Variants in AP2A1 observed in about 807,000 individuals in gnomAD.
AP2A1 encodes AP-2 complex subunit alpha-1.
AP2A1 carries 21 observed loss-of-function variants against 107.3 expected under a neutral mutation model. The observed-to-expected ratio is 0.20, with a 90% CI of 0.14 to 0.28. AP2A1 has a LOEUF of 0.28. AP2A1 is among the 10% of genes least tolerant of loss of function. The pLI is 1.00. For missense variants in AP2A1, 873 were observed against 1,307.7 expected, an observed-to-expected ratio of 0.67 and a Z score of 5.13; for synonymous variants, 602 against 564.8, an observed-to-expected ratio of 1.07 and a Z score of -0.93.
chr19:49,787,347 G>GTTTTTTTTTTTT (rs199550216), intron 4 of AP2A1, among the ~76,000 whole-genome samples: 13 of 96,182 alleles, frequency 1.4e-4, no homozygotes, highest in African/African-American at 4.0e-4. Context: ...TGTTTTTTTT[G>GTTTTTTTTTTTT]TTTTTTGTTT....
intron 1 of AP2A1, among the ~76,000 whole-genome samples, chr19:49,779,511 A>AAAAAAAC (rs369375626): frequency 2.8e-5 from 4 of 145,416 alleles, no homozygotes; most frequent in African/African-American, 8.0e-5. Flanking sequence ...AAAAAAAAAA[A>AAAAAAAC]CAGAAACAGG....
At chr19:49,806,451 C>G (rs2073386706) in intron 22 of AP2A1, 198 bp downstream of exon 22, 3 of 1,436,302 alleles carry the variant, frequency 2.1e-6, no homozygotes, top group African/African-American at 2.9e-5. Flanking sequence ...CTCTCCTCTT[C>G]CTGTCCCTCC....
chr19:49,806,094 C>T (rs1568591550), intron 21 of AP2A1, 25 bp from the exon 22 acceptor site: 25 of 1,572,468 alleles, frequency 1.6e-5, no homozygotes, highest in Non-Finnish European at 2.2e-5. Context: ...CTGGCACACT[C>T]TGACGGCGCC....
intron 19 of AP2A1, 42 bp from the exon 20 acceptor site, chr19:49,805,619 T>C (rs377735659): frequency 1.3e-4 from 208 of 1,551,608 alleles, no homozygotes; most frequent in Middle Eastern, 1.7e-4. Flanking sequence ...GCCTCCGGGG[T>C]GAGGGGCGGG....
intron 17 of AP2A1, 25 bp downstream of exon 17, chr19:49,803,214 T>G (rs967798605): frequency 8.7e-6 from 14 of 1,613,624 alleles, no homozygotes; most frequent in Non-Finnish European, 1.1e-5. Flanking sequence ...ACTGTGGGAA[T>G]GGGTCGGAGG....
intron 4 of AP2A1, among the ~76,000 whole-genome samples, chr19:49,787,092 C>T (rs542688396): frequency 1.3e-4 from 19 of 150,390 alleles, no homozygotes; most frequent in Admixed American, 7.9e-4. Flanking sequence ...CTGCAACCTC[C>T]GACTCCTGGG....
chr19:49,799,818 C>T, intron 10 of AP2A1, 52 bp downstream of exon 10: 2 of 1,584,602 alleles, frequency 1.3e-6, no homozygotes, highest in Non-Finnish European at 1.7e-6. Context: ...CAGGAGGTGG[C>T]TGGGGGCCTG....
At chr19:49,769,259 A>G (rs147296662) in intron 1 of AP2A1, among the ~76,000 whole-genome samples, 14 of 1,216 alleles carry the variant, frequency 0.012, no homozygotes, top group Non-Finnish European at 0.015. Context: ...CTCCAAAAAT[A>G]AAAAAAAAGA....
chr19:49,777,660 C>T (rs1379103296), intron 1 of AP2A1, among the ~76,000 whole-genome samples: 4 of 150,832 alleles, frequency 2.7e-5, no homozygotes, highest in Admixed American at 2.0e-4. Flanking sequence ...GATTTCCTGG[C>T]AGTAAGCGGT....
chr19:49,768,865 T>G (rs2084529712), intron 1 of AP2A1, among the ~76,000 whole-genome samples: 2 of 152,186 alleles, frequency 1.3e-5, no homozygotes, highest in Admixed American at 6.6e-5. Flanking sequence ...GAAGGCTCAT[T>G]TATTCATTCA....
At position 49,801,808 on chromosome 19, in the gene AP2A1, C is replaced by T; in HGVS notation, c.1872C>T (p.Ala624=). 1 of 1,552,408 alleles carries T rather than the reference C, an allele frequency of 6.4e-7. No individual in the cohort carries two copies. The highest frequency in any genetic ancestry group is 8.7e-7 in the Non-Finnish European group (1 of 1,153,096). The stretch of plus-strand genomic sequence containing the variant: ...TGAAACGCAAGAAGGGGCCAGGGGC[C>T]GGCAGCGCCCTGGACGATGGCCGGA... ...AKLKRKKGPG[A]GSALDDGRRD... is the part of the protein sequence containing the mutation. Residue 624 remains alanine (A), a synonymous_variant, in exon 14 of 23, where the codon GCC becomes GCT. Transcript: ENST00000354293.
intron 4 of AP2A1, among the ~76,000 whole-genome samples, chr19:49,791,384 C>T (rs7251695): frequency 0.22 from 34,048 of 152,000 alleles, 4,088 homozygotes; most frequent in African/African-American, 0.31. Flanking sequence ...CCTGCGCCAC[C>T]ACACCCAGCT....
chr19:49,799,064 G>C, intron 8 of AP2A1, 112 bp downstream of exon 8: 1 of 1,408,004 alleles, frequency 7.1e-7, no homozygotes, highest in Non-Finnish European at 9.6e-7. Flanking sequence ...TTTTAGGTAG[G>C]GTAGGAGGAG....
At chr19:49,767,312 A>G in intron 1 of AP2A1, 112 bp downstream of exon 1, 1 of 1,348,114 alleles carries the variant, frequency 7.4e-7, no homozygotes, top group Non-Finnish European at 1.0e-6. Context: ...GCGGCCGTAT[A>G]GGGACAGCAT....
chr19:49,771,303 TAA>T (rs902347385), intron 1 of AP2A1, among the ~76,000 whole-genome samples: 17 of 98,034 alleles, frequency 1.7e-4, no homozygotes, highest in East Asian at 5.7e-4. Flanking sequence ...CCTCATCTCT[TAA>T]AAAAAAAAAA....
intron 1 of AP2A1, among the ~76,000 whole-genome samples, chr19:49,772,395 C>G (rs1302170274): frequency 6.6e-6 from 1 of 150,774 alleles, no homozygotes; most frequent in Admixed American, 6.6e-5. Flanking sequence ...CCGGGCTGGT[C>G]TCAAATTCCT....
At chr19:49,786,448 C>T (rs1294656675) in intron 4 of AP2A1, among the ~76,000 whole-genome samples, 1 of 152,236 alleles carries the variant, frequency 6.6e-6, no homozygotes, top group Non-Finnish European at 1.5e-5. Flanking sequence ...TTCCAGTGCT[C>T]TGGGGGCTGT....
At chr19:49,779,197 G>A (rs368943014) in intron 1 of AP2A1, among the ~76,000 whole-genome samples, 38 of 151,958 alleles carry the variant, frequency 2.5e-4, no homozygotes, top group African/African-American at 8.2e-4. Context: ...TTAGCTAGGG[G>A]TGGGTGGCAG....
intron 1 of AP2A1, 84 bp downstream of exon 1, chr19:49,767,284 G>A (rs2084512533): frequency 1.3e-6 from 2 of 1,534,760 alleles, no homozygotes; most frequent in South Asian, 2.3e-5. Flanking sequence ...AGAGGGACCC[G>A]GGGGATCAAA....
Sources: allele counts gnomAD v4.1 joint callset (sites outside exome capture counted in the v4.1 genomes callset), GRCh38; gene constraint gnomAD v4.1.1; transcripts MANE v1.5; gene names NCBI Gene and HGNC (gene_info 2026-07-23, HGNC 2026-07-21).